Variants in SLC9A9 observed in about 807,000 individuals in gnomAD.
The protein encoded by SLC9A9 is sodium/hydrogen exchanger 9.
A neutral mutation model predicts 77.8 loss-of-function variants in SLC9A9; 62 were observed. The observed-to-expected ratio is 0.80, with a 90% CI of 0.65 to 0.98. The LOEUF (loss-of-function observed/expected upper bound fraction) is 0.98. Ranked by LOEUF, SLC9A9 falls within the 50% of genes least tolerant of loss-of-function variation. SLC9A9 has a pLI of 0.00. For missense variants in SLC9A9, 775 were observed against 774.9 expected, an observed-to-expected ratio of 1.00 and a Z score of 0.00; for synonymous variants, 320 against 283.5, an observed-to-expected ratio of 1.13 and a Z score of -1.29.
chr3:143,600,680 T>G (rs943776883), intron 6 of SLC9A9, among the ~76,000 whole-genome samples: 4 of 152,184 alleles, frequency 2.6e-5, no homozygotes, highest in African/African-American at 9.7e-5. Flanking sequence ...ATGTCTATGT[T>G]GGTCAGCAAC....
chr3:143,474,921 C>T (rs1244896106), intron 11 of SLC9A9, among the ~76,000 whole-genome samples: 1 of 151,730 alleles, frequency 6.6e-6, no homozygotes, highest in Admixed American at 6.6e-5. Context: ...GAAAGGCTGC[C>T]CTGACCATCA....
intron 12 of SLC9A9, among the ~76,000 whole-genome samples, chr3:143,392,843 G>A: frequency 6.6e-6 from 1 of 152,124 alleles, no homozygotes; most frequent in Non-Finnish European, 1.5e-5. Context: ...AAGATCAAAA[G>A]AGACAAAGAA....
intron 15 of SLC9A9, among the ~76,000 whole-genome samples, chr3:143,268,399 A>G (rs1389900139): frequency 1.3e-5 from 2 of 152,166 alleles, no homozygotes; most frequent in Non-Finnish European, 2.9e-5. Context: ...GCAACAATTG[A>G]CAAGAGAAAT....
At chr3:143,328,499 A>G (rs2031668628) in intron 14 of SLC9A9, among the ~76,000 whole-genome samples, 1 of 152,240 alleles carries the variant, frequency 6.6e-6, no homozygotes. Flanking sequence ...GTAACACTGA[A>G]GCCTGGATAA....
intron 9 of SLC9A9, among the ~76,000 whole-genome samples, chr3:143,507,869 A>G (rs2036047916): frequency 6.6e-6 from 1 of 152,162 alleles, no homozygotes; most frequent in Non-Finnish European, 1.5e-5. Context: ...CTTTGGTTGT[A>G]TCTTCATATG....
chr3:143,578,158 G>A (rs2037392909), intron 7 of SLC9A9, among the ~76,000 whole-genome samples: 1 of 152,196 alleles, frequency 6.6e-6, no homozygotes, highest in East Asian at 1.9e-4. Flanking sequence ...CTGTAAGCTA[G>A]TGATTGAATA....
intron 9 of SLC9A9, among the ~76,000 whole-genome samples, chr3:143,531,358 A>G (rs922468007): frequency 8.5e-5 from 13 of 152,186 alleles, no homozygotes; most frequent in African/African-American, 2.9e-4. Flanking sequence ...GCTGAATTTT[A>G]TTTATTTGAG....
At chr3:143,482,170 G>GA (rs1257999132) in intron 11 of SLC9A9, among the ~76,000 whole-genome samples, 1 of 152,052 alleles carries the variant, frequency 6.6e-6, no homozygotes, top group Non-Finnish European at 1.5e-5. Context: ...ACTGAGAGGG[G>GA]AAAAAATACA....
intron 14 of SLC9A9, among the ~76,000 whole-genome samples, chr3:143,336,737 G>A (rs1401369390): frequency 1.3e-5 from 2 of 152,122 alleles, no homozygotes; most frequent in South Asian, 4.1e-4. Context: ...AGGGGTTAGG[G>A]TAGGGGGAAA....
At chr3:143,558,816 G>A (rs568938966) in intron 8 of SLC9A9, among the ~76,000 whole-genome samples, 1 of 152,250 alleles carries the variant, frequency 6.6e-6, no homozygotes, top group East Asian at 1.9e-4. Context: ...CTGTTGGAAG[G>A]GCATGATTGT....
intron 4 of SLC9A9, among the ~76,000 whole-genome samples, chr3:143,729,688 C>G (rs1934752405): frequency 6.6e-6 from 1 of 152,178 alleles, no homozygotes; most frequent in African/African-American, 2.4e-5. Flanking sequence ...GCTGTACACT[C>G]ACTCCTCTGC....
intron 5 of SLC9A9, chr3:143,655,758 C>T: frequency 3.6e-6 from 2 of 560,960 alleles, no homozygotes; most frequent in Non-Finnish European, 4.5e-6. Flanking sequence ...AATGTGATAA[C>T]TGAGAAATGC....
At chr3:143,762,912 C>A (rs2007183011) in intron 4 of SLC9A9, among the ~76,000 whole-genome samples, 1 of 152,106 alleles carries the variant, frequency 6.6e-6, no homozygotes, top group Non-Finnish European at 1.5e-5. Context: ...GAACTCAGAT[C>A]AACTCAGACA....
chr3:143,832,123 T>G lies in SLC9A9; in HGVS notation c.274A>C (p.Thr92Pro), dbSNP rs1293158972. ...TGGTCAGTGATATTAACCAGCAGAG[T>G]TGATGGACTGAAAGTTAGTTTTACA... ...DCVKLTFSPS[T>P]LLVNITDQVY... The change falls in exon 2 of 16, where the codon ACT (threonine) becomes CCT (proline). Residue 92 changes from threonine to proline, a missense_variant. Coordinates refer to ENST00000316549, the MANE Select transcript of SLC9A9 (RefSeq NM_173653.4). 1 of 1,613,154 alleles carries G rather than the reference T, an allele frequency of 6.2e-7. No individual in the cohort carries two copies. Among genetic ancestry groups the G allele is most frequent in the Non-Finnish European group, 8.5e-7 (1 of 1,179,578 alleles).
At chr3:143,585,153 C>T (rs553639196) in intron 6 of SLC9A9, among the ~76,000 whole-genome samples, 1 of 152,336 alleles carries the variant, frequency 6.6e-6, no homozygotes, top group South Asian at 2.1e-4. Flanking sequence ...GGTCTATACA[C>T]TTCCAGCCTA....
At chr3:143,627,634 A>T (rs1308639854) in intron 6 of SLC9A9, 2 of 265,904 alleles carry the variant, frequency 7.5e-6, no homozygotes, top group Non-Finnish European at 1.5e-5. Flanking sequence ...ATCCCAAAGG[A>T]CTGTGCTGTA....
At chr3:143,687,859 C>G (rs1933322729) in intron 5 of SLC9A9, among the ~76,000 whole-genome samples, 1 of 152,094 alleles carries the variant, frequency 6.6e-6, no homozygotes, top group Non-Finnish European at 1.5e-5. Flanking sequence ...GGAAAGTAGA[C>G]TTGGGCCCCA....
At position 143,476,496 on chromosome 3, in the gene SLC9A9, T is replaced by C. The variant is rs1576523177; in HGVS notation, c.1316-9306A>G. Among the ~76,000 whole-genome samples, 4 of 152,384 alleles carry C rather than the reference T, an allele frequency of 2.6e-5. No homozygotes were observed. In the East Asian group the frequency reaches 7.7e-4, roughly 29 times the overall value. ...GTCACAACTCTGAAGTCAACAAGCA[T>C]AGATGCCTCTGGCTTTGGAAGTTTG... On this transcript the variant is annotated intron_variant, in intron 11 of 15. Transcript: ENST00000316549.
At chr3:143,648,986 A>G (rs988787110) in intron 6 of SLC9A9, among the ~76,000 whole-genome samples, 2 of 152,160 alleles carry the variant, frequency 1.3e-5, no homozygotes, top group Admixed American at 6.5e-5. Flanking sequence ...AGCCATTTCT[A>G]TTACCGGTGT....
Sources: allele counts gnomAD v4.1 joint callset (sites outside exome capture counted in the v4.1 genomes callset), GRCh38; gene constraint gnomAD v4.1.1; transcripts MANE v1.5; gene names NCBI Gene and HGNC (gene_info 2026-07-23, HGNC 2026-07-21).